Variants in UCKL1 observed in about 807,000 individuals in gnomAD.
UCKL1 encodes uridine-cytidine kinase-like 1.
In UCKL1, 65 loss-of-function variants were observed where a neutral mutation model predicts 59.2. That is an observed-to-expected ratio of 1.10 (90% confidence interval 0.90 to 1.35). The LOEUF (loss-of-function observed/expected upper bound fraction) is 1.35, where lower values mean the gene tolerates loss of function less well. UCKL1 is among the 40% of genes most tolerant of loss of function. UCKL1 has a pLI of 0.00. For synonymous variants in UCKL1, 410 were observed against 323.1 expected (o/e 1.27, Z -2.88); for missense variants, 703 against 784.3 (o/e 0.90, Z 1.24).
intron 8 of UCKL1, chr20:63,941,513 G>A (rs967670438): frequency 4.8e-6 from 2 of 417,952 alleles, no homozygotes; most frequent in Non-Finnish European, 9.3e-6. Flanking sequence ...AGAGGAAGCA[G>A]AAGTGGGCCG....
At position 63,946,285 on chromosome 20, in the gene UCKL1, G is replaced by A. The variant is rs751701791; in HGVS notation, c.305-18C>T. 7 of 1,569,878 alleles carry A rather than the reference G, an allele frequency of 4.5e-6. No homozygotes were observed. Among genetic ancestry groups the A allele is most frequent in the South Asian group, 1.2e-5 (1 of 86,250 alleles). ...TCCCAAGCCTGCCGGCGGGAGTGGA[G>A]ACCCTCTGTGAGGAACAGGCAGGCT... On this transcript the variant is annotated intron_variant, in intron 2 of 14. Coordinates refer to ENST00000354216, the MANE Select transcript of UCKL1 (RefSeq NM_017859.4).
At chr20:63,941,592 T>G in intron 8 of UCKL1, 1 of 241,596 alleles carries the variant, frequency 4.1e-6, no homozygotes, top group East Asian at 1.5e-4. Context: ...CCCCAGCCTC[T>G]CCCCGGGGGA....
intron 8 of UCKL1, chr20:63,942,453 C>A: frequency 8.5e-7 from 1 of 1,175,480 alleles, no homozygotes; most frequent in Non-Finnish European, 1.1e-6. Context: ...AGCAGCACCA[C>A]GGAGCACACT....
At chr20:63,956,090 C>T (rs1256181998) in intron 1 of UCKL1, 170 bp downstream of exon 1, 2 of 608,772 alleles carry the variant, frequency 3.3e-6, no homozygotes, top group African/African-American at 2.0e-5. Flanking sequence ...CTCCCGGCCG[C>T]TTCAAGCCCG....
In UCKL1 at chr20:63,941,110, CTGA is replaced by C; in HGVS notation, c.1019_1021del (p.Ile340del). On this transcript the variant is annotated inframe_deletion and splice_region_variant, in exon 9 of 15. Transcript: ENST00000354216. ...GCCCCGTCCCCAGGTGGGCCCTCAC[CTGA>C]TGATGGTGTGCATGCCCCGTACCTG... 6.3e-7 allele frequency: 1 copy of C among 1,599,336 alleles called. No individual in the cohort carries two copies. Among genetic ancestry groups the C allele is most frequent in the Non-Finnish European group, 8.5e-7 (1 of 1,175,132 alleles).
At chr20:63,941,371 A>G in intron 8 of UCKL1, 163 bp from the exon 9 acceptor site, 1 of 1,096,594 alleles carries the variant, frequency 9.1e-7, no homozygotes, top group Non-Finnish European at 1.3e-6. Context: ...CTGGGGGGAG[A>G]CGTCGCCCTA....
Position 63,940,862 on chromosome 20 carries a change from G to T in UCKL1, c.1117-6C>A. 6.5e-7 allele frequency: 1 copy of T among 1,534,038 alleles called. No individual in the cohort carries two copies. Among genetic ancestry groups the T allele is most frequent in the Non-Finnish European group, 8.8e-7 (1 of 1,139,804 alleles). ...GGGGTCTGTACGACGCAGTCCTGTG[G>T]GGTGCAGGGTGAGGACTCCGGTGAG... On this transcript the variant is annotated splice_polypyrimidine_tract_variant and splice_region_variant and intron_variant, in intron 10 of 14. Coordinates refer to ENST00000354216, the MANE Select transcript of UCKL1 (RefSeq NM_017859.4).
rs1001510284 is a variant in UCKL1, at chr20:63,946,745, G to A, written c.114-102C>T. ...GGGCACCCCCCCCACCCCCTCAACA[G>A]GCATGGCTGAGGCGGGCAGGCTCAT... On this transcript the variant is annotated intron_variant, in intron 1 of 14. Transcript: ENST00000354216. 5.5e-6 allele frequency: 7 copies of A among 1,282,030 alleles called. No individual in the cohort carries two copies. In the African/African-American group the frequency reaches 5.9e-5, roughly 11 times the overall value. 79.4% of individuals were successfully genotyped at this position (1,282,030 alleles called of 1,614,324 possible).
chr20:63,943,944 C>G (rs1199033501), intron 7 of UCKL1, among the ~76,000 whole-genome samples: 1 of 152,204 alleles, frequency 6.6e-6, no homozygotes, highest in Admixed American at 6.5e-5. Context: ...CAGAGCCACT[C>G]AGGCTCCAAG....
rs201407701 is a variant in UCKL1, at chr20:63,946,454, G to A, written c.303C>T (p.Ile101=). ...HGTQSKEAFA[I]GLGGGSASGK... ...GTCCCACCCCCCCGCTGCTCTCACC[G>A]ATGGCGAAGGCCTCTTTGGATTGCG... The change falls in exon 2 of 15, where the codon ATC becomes ATT. Residue 101 remains isoleucine, a splice_region_variant and synonymous_variant. Coordinates refer to ENST00000354216, the MANE Select transcript of UCKL1 (RefSeq NM_017859.4). 1.1e-4 allele frequency: 177 copies of A among 1,556,240 alleles called. No individual in the cohort carries two copies. In the East Asian group the frequency reaches 1.7e-3, roughly 15 times the overall value.
rs1487809951 is a variant in UCKL1 at position 63,945,817 on chromosome 20, C to G, written c.570G>C (p.Arg190=). Residue 190 remains arginine, a synonymous_variant, in exon 4 of 15, where the codon CGG becomes CGC. Coordinates refer to ENST00000354216, the MANE Select transcript of UCKL1 (RefSeq NM_017859.4). ...VPIYDFTTHS[R]KKDWKTLYGA... is the part of the protein sequence containing the mutation. ...GGCCCTGGCCTACCCAGTCCTTCTT[C>G]CGGCTGTGCGTGGTGAAGTCATAAA... 1.2e-6 allele frequency: 2 copies of G among 1,613,594 alleles called. No homozygotes were observed. Among genetic ancestry groups the G allele is most frequent in the Admixed American group, 1.7e-5 (1 of 60,010 alleles).
Position 63,955,980 on chromosome 20 carries a change from C to T in UCKL1, c.113+280G>A, listed in dbSNP as rs551898422. 7.7e-5 allele frequency: 24 copies of T among 313,396 alleles called. No homozygotes were observed. In the Middle Eastern group the frequency reaches 2.6e-3, roughly 34 times the overall value. The allele number at this position is 313,396 out of a possible 1,614,324, so 19.4% of individuals were successfully genotyped here. On this transcript the variant is annotated intron_variant, in intron 1 of 14. Transcript: ENST00000354216. ...CCGCCGGGCGCTCGAGGCCGAGGGC[C>T]CCACCCACCGGGGGCAGAGACCAAG... is the stretch of plus-strand genomic sequence containing the variant.
At chr20:63,950,138 G>A (rs1387267918) in intron 1 of UCKL1, among the ~76,000 whole-genome samples, 1 of 152,230 alleles carries the variant, frequency 6.6e-6, no homozygotes, top group African/African-American at 2.4e-5. Flanking sequence ...AGGCCAGGAC[G>A]ATCTGCCAGA....
intron 1 of UCKL1, among the ~76,000 whole-genome samples, chr20:63,951,731 G>A (rs937500618): frequency 2.0e-5 from 3 of 151,248 alleles, no homozygotes; most frequent in Non-Finnish European, 4.4e-5. Context: ...CCCCGCCCAG[G>A]GCTCAGCAGG....
intron 7 of UCKL1, 72 bp from the exon 8 acceptor site, chr20:63,943,741 C>T (rs531648613): frequency 3.1e-6 from 5 of 1,606,862 alleles, no homozygotes; most frequent in East Asian, 2.2e-5. Flanking sequence ...GCCAGGCCAC[C>T]CCCACCCAGG....
At chr20:63,951,407 T>A (rs911616024) in intron 1 of UCKL1, among the ~76,000 whole-genome samples, 1 of 152,156 alleles carries the variant, frequency 6.6e-6, no homozygotes, top group Non-Finnish European at 1.5e-5. Context: ...CCGGCCTGCC[T>A]GGGGCTACAG....
chr20:63,941,857 T>C (rs899582511), intron 8 of UCKL1, among the ~76,000 whole-genome samples: 11 of 62,246 alleles, frequency 1.8e-4, no homozygotes, highest in African/African-American at 7.1e-4. Flanking sequence ...GGGCAGGGAA[T>C]GGGGCGGGGC....
Position 63,940,183 on chromosome 20 carries a change from C to G in UCKL1, c.1534G>C (p.Val512Leu). 6.2e-7 allele frequency: 1 copy of G among 1,612,776 alleles called. No individual in the cohort carries two copies. Among genetic ancestry groups the G allele is most frequent in the Non-Finnish European group, 8.5e-7 (1 of 1,179,976 alleles). ...GGGATGATGCGGAAAAGGTCATTGA[C>G]CCGCTTGTCCACCGCCGTGGTGATG... ...RIITTAVDKR[V>L]NDLFRIIPGI... Residue 512 changes from valine to leucine, a missense_variant, in exon 14 of 15, where the codon GTC becomes CTC. By Grantham distance (32) the Val-to-Leu change is conservative. This residue lies in a region of UCKL1 where 124 missense variants were observed against 161.1 expected (regional missense o/e 0.77). Transcript: ENST00000354216.
intron 1 of UCKL1, among the ~76,000 whole-genome samples, chr20:63,949,682 C>T (rs759354739): frequency 3.0e-4 from 46 of 152,214 alleles, no homozygotes; most frequent in Non-Finnish European, 3.8e-4. Flanking sequence ...CAAATCCAGG[C>T]GGCCCCTCCC....
Sources: allele counts gnomAD v4.1 joint callset (sites outside exome capture counted in the v4.1 genomes callset), GRCh38; gene constraint gnomAD v4.1.1; regional missense constraint gnomAD v4.1.1; transcripts MANE v1.5; gene names NCBI Gene and HGNC (gene_info 2026-07-23, HGNC 2026-07-21).